Variants in ROBO1 observed in about 807,000 individuals in gnomAD.
ROBO1 encodes the protein roundabout guidance receptor 1.
Under a neutral mutation model 195.9 loss-of-function variants are expected in ROBO1, and 149 were observed. The ratio of observed to expected loss-of-function variants is 0.76; its 90% confidence interval spans 0.67 to 0.87. The LOEUF (loss-of-function observed/expected upper bound fraction) is 0.87. Ranked by LOEUF, ROBO1 falls within the 40% of genes least tolerant of loss-of-function variation. ROBO1 has a pLI of 0.00. For missense variants in ROBO1, 1,933 were observed against 2,068.3 expected, an observed-to-expected ratio of 0.93 and a Z score of 1.27; for synonymous variants, 816 against 733.2, an observed-to-expected ratio of 1.11 and a Z score of -1.82.
At chr3:78,754,465 A>G (rs1252207307) in intron 4 of ROBO1, among the ~76,000 whole-genome samples, 2 of 152,190 alleles carry the variant, frequency 1.3e-5, no homozygotes, top group African/African-American at 4.8e-5. Flanking sequence ...AAGAGTCCTC[A>G]ATCAAAGAAA....
chr3:79,680,679 C>A (rs913462824), intron 1 of ROBO1, among the ~76,000 whole-genome samples: 7 of 151,900 alleles, frequency 4.6e-5, no homozygotes, highest in African/African-American at 1.7e-4. Context: ...ACAAAGTTTA[C>A]ACTTTTTTTC....
chr3:79,598,929 C>A (rs569467943), intron 1 of ROBO1, among the ~76,000 whole-genome samples: 1 of 152,206 alleles, frequency 6.6e-6, no homozygotes, highest in South Asian at 2.1e-4. Context: ...CATGTGACAA[C>A]TTCACTGCTG....
intron 2 of ROBO1, among the ~76,000 whole-genome samples, chr3:79,411,085 T>C (rs984275268): frequency 2.0e-5 from 3 of 152,178 alleles, no homozygotes; most frequent in Non-Finnish European, 2.9e-5. Context: ...TATGTCTCTT[T>C]TTGAAGATAA....
chr3:79,594,312 CACA>C (rs1172603740), intron 1 of ROBO1, among the ~76,000 whole-genome samples: 8 of 151,944 alleles, frequency 5.3e-5, no homozygotes, highest in Non-Finnish European at 8.8e-5. Flanking sequence ...CAAGAAAAAG[CACA>C]ACACCTTTGA....
intron 4 of ROBO1, among the ~76,000 whole-genome samples, chr3:78,758,340 G>C (rs1408031026): frequency 6.6e-6 from 1 of 151,924 alleles, no homozygotes; most frequent in Non-Finnish European, 1.5e-5. Flanking sequence ...GCAATACAGT[G>C]GGACACCTGT....
intron 2 of ROBO1, among the ~76,000 whole-genome samples, chr3:79,292,238 C>T (rs2032294599): frequency 6.6e-6 from 1 of 152,148 alleles, no homozygotes; most frequent in Non-Finnish European, 1.5e-5. Context: ...TAACCTGAGA[C>T]TTTGCTGAAG....
chr3:79,115,390 G>T (rs545688080), intron 3 of ROBO1, among the ~76,000 whole-genome samples: 20 of 152,174 alleles, frequency 1.3e-4, no homozygotes, highest in African/African-American at 4.8e-4. Context: ...AAAATATAAA[G>T]ATATCACTGT....
At position 79,482,048 on chromosome 3, in the gene ROBO1, T is replaced by C. The variant is rs537950237; in HGVS notation, c.88+107776A>G. 7.9e-5 allele frequency among the ~76,000 whole-genome samples: 12 copies of C among 152,306 alleles called. No individual in the cohort carries two copies. The South Asian group carries it at 1.7e-3, about 21-fold the overall frequency. ...CTATAAATTTCAATTTATAAATAGTTGGGAATTATTCATACATTCATTTAT... is the reference window on the plus strand; with the variant it reads ...CTATAAATTTCAATTTATAAATAGTCGGGAATTATTCATACATTCATTTAT... On this transcript the variant is annotated intron_variant, in intron 2 of 30. Coordinates refer to ENST00000464233, the MANE Select transcript of ROBO1 (RefSeq NM_002941.4).
intron 3 of ROBO1, among the ~76,000 whole-genome samples, chr3:79,020,149 A>G (rs2078068840): frequency 6.6e-6 from 1 of 152,204 alleles, no homozygotes. Context: ...AAATGCAAAA[A>G]ACAATCTTGA....
At chr3:79,103,114 T>A (rs898859779) in intron 3 of ROBO1, among the ~76,000 whole-genome samples, 1 of 151,826 alleles carries the variant, frequency 6.6e-6, no homozygotes, top group Non-Finnish European at 1.5e-5. Flanking sequence ...GAATTCCACT[T>A]AAAACAAGCA....
intron 8 of ROBO1, among the ~76,000 whole-genome samples, chr3:78,710,059 TA>T (rs1353686968): frequency 1.3e-5 from 2 of 152,156 alleles, no homozygotes; most frequent in Non-Finnish European, 2.9e-5. Context: ...TAATAGCCCG[TA>T]AGGATTTTTA....
intron 4 of ROBO1, among the ~76,000 whole-genome samples, chr3:78,801,675 C>T (rs2084375607): frequency 6.6e-6 from 1 of 151,942 alleles, no homozygotes; most frequent in African/African-American, 2.4e-5. Flanking sequence ...GTAAATATAA[C>T]ATGGGGTACT....
intron 1 of ROBO1, among the ~76,000 whole-genome samples, chr3:79,743,139 A>G (rs1703720074): frequency 6.6e-6 from 1 of 152,168 alleles, no homozygotes; most frequent in Non-Finnish European, 1.5e-5. Context: ...ATTATGAGAA[A>G]TGCATCCTTA....
chr3:78,675,006 T>C (rs1242994345), intron 10 of ROBO1, among the ~76,000 whole-genome samples: 1 of 152,162 alleles, frequency 6.6e-6, no homozygotes, highest in Non-Finnish European at 1.5e-5. Context: ...AAAAATATTT[T>C]AGGTCATACT....
chr3:79,196,076 C>T (rs1242975259), intron 2 of ROBO1, among the ~76,000 whole-genome samples: 2 of 151,430 alleles, frequency 1.3e-5, no homozygotes, highest in Non-Finnish European at 3.0e-5. Flanking sequence ...CATAGTCTTT[C>T]CCTGAAAGAA....
At chr3:79,196,050 CAAAAAGATGA>C (rs918600839) in intron 2 of ROBO1, among the ~76,000 whole-genome samples, 6 of 151,312 alleles carry the variant, frequency 4.0e-5, no homozygotes, top group African/African-American at 1.5e-4. Context: ...GTATAGTGGA[CAAAAAGATGA>C]AAAGTCATAG....
At chr3:78,674,846 T>C (rs936608557) in intron 10 of ROBO1, among the ~76,000 whole-genome samples, 5 of 152,300 alleles carry the variant, frequency 3.3e-5, no homozygotes, top group South Asian at 2.1e-4. Flanking sequence ...TATACCTATA[T>C]ATAAGTTGCT....
chr3:79,503,165 C>T (rs963677720), intron 2 of ROBO1, among the ~76,000 whole-genome samples: 28 of 152,172 alleles, frequency 1.8e-4, no homozygotes, highest in African/African-American at 6.5e-4. Context: ...CGAAGGTTTG[C>T]AGCTTCACTT....
At chr3:79,043,424 A>T (rs1482255791) in intron 3 of ROBO1, among the ~76,000 whole-genome samples, 1 of 152,098 alleles carries the variant, frequency 6.6e-6, no homozygotes, top group Non-Finnish European at 1.5e-5. Flanking sequence ...TTATTGAAAC[A>T]ATCCTTTGGA....
Sources: gnomAD v4.1 joint callset for allele counts (sites outside exome capture counted in the v4.1 genomes callset) on GRCh38, gnomAD v4.1.1 for gene constraint, MANE v1.5 for transcripts, NCBI Gene and HGNC (gene_info 2026-07-23, HGNC 2026-07-21) for gene names.